Variants in CTXND2 observed in about 807,000 individuals in gnomAD.
The protein encoded by CTXND2 is cortexin domain containing 2.
intron 1 of CTXND2, among the ~76,000 whole-genome samples, chr1:150,890,653 G>GC (rs2102593321): frequency 6.6e-6 from 1 of 152,186 alleles, no homozygotes; most frequent in East Asian, 1.9e-4. Context: ...ACAGGCATGT[G>GC]CCACCACGCC....
intron 1 of CTXND2, among the ~76,000 whole-genome samples, chr1:150,900,860 G>T (rs1669008845): frequency 6.6e-6 from 1 of 152,174 alleles, no homozygotes; most frequent in Non-Finnish European, 1.5e-5. Context: ...GACTGGGCAT[G>T]GTGGCTCACG....
chr1:150,906,643 A>G (rs587764093), intron 1 of CTXND2, among the ~76,000 whole-genome samples: 11 of 152,304 alleles, frequency 7.2e-5, no homozygotes, highest in Admixed American at 6.5e-4. Context: ...CTGAAAGTGG[A>G]AGGCCCACTG....
chr1:150,888,676 G>A (rs1233415271), intron 1 of CTXND2, among the ~76,000 whole-genome samples: 1 of 151,560 alleles, frequency 6.6e-6, no homozygotes, highest in Non-Finnish European at 1.5e-5. Flanking sequence ...TTTCTAATAA[G>A]AATGTATTTT....
intron 1 of CTXND2, among the ~76,000 whole-genome samples, chr1:150,902,130 C>T (rs587771826): frequency 3.1e-4 from 47 of 151,242 alleles, no homozygotes; most frequent in African/African-American, 9.7e-4. Flanking sequence ...GGCTGGGCGC[C>T]GTGGCTCACG....
intron 1 of CTXND2, among the ~76,000 whole-genome samples, chr1:150,905,062 C>CCCCACACA (rs1553235746): frequency 1.5e-5 from 2 of 130,766 alleles, no homozygotes; most frequent in African/African-American, 5.8e-5. Context: ...AAAAAGAAAA[C>CCCCACACA]CACACACACA....
At chr1:150,891,296 C>G (rs1055153804) in intron 1 of CTXND2, among the ~76,000 whole-genome samples, 1 of 152,092 alleles carries the variant, frequency 6.6e-6, no homozygotes, top group Non-Finnish European at 1.5e-5. Context: ...TCACTACAAC[C>G]TCCGCCTCTT....
chr1:150,903,244 G>A (rs886858458), intron 1 of CTXND2, among the ~76,000 whole-genome samples: 4 of 151,836 alleles, frequency 2.6e-5, no homozygotes, highest in Admixed American at 2.6e-4. Context: ...AAGTGATGGG[G>A]CTTTTTCTTC....
intron 1 of CTXND2, among the ~76,000 whole-genome samples, chr1:150,889,783 C>T (rs1668824754): frequency 6.6e-6 from 1 of 151,968 alleles, no homozygotes; most frequent in Non-Finnish European, 1.5e-5. Flanking sequence ...CACTATGTGC[C>T]AGACACCGAT....
At chr1:150,888,067 C>T (rs1026190252) in intron 1 of CTXND2, among the ~76,000 whole-genome samples, 1 of 129,202 alleles carries the variant, frequency 7.7e-6, no homozygotes, top group Non-Finnish European at 1.7e-5. Flanking sequence ...TTAAAAGCCA[C>T]TTAAAAAAAA....
At chr1:150,892,340 A>G (rs1668861090) in intron 1 of CTXND2, among the ~76,000 whole-genome samples, 1 of 152,112 alleles carries the variant, frequency 6.6e-6, no homozygotes, top group Non-Finnish European at 1.5e-5. Flanking sequence ...GTGACCAACA[A>G]TACCCACTGT....
chr1:150,901,011 C>T (rs993250260), intron 1 of CTXND2, among the ~76,000 whole-genome samples: 1 of 152,054 alleles, frequency 6.6e-6, no homozygotes, highest in Non-Finnish European at 1.5e-5. Context: ...CCTTGGGAGG[C>T]TGAGGCAGGA....
At chr1:150,908,707 T>C (rs1175727462) in intron 1 of CTXND2, among the ~76,000 whole-genome samples, 2 of 151,662 alleles carry the variant, frequency 1.3e-5, no homozygotes, top group Non-Finnish European at 2.9e-5. Context: ...ACTATAACCC[T>C]GAACTCCTGG....
chr1:150,892,528 C>CTTCTT (rs1553234747), intron 1 of CTXND2, among the ~76,000 whole-genome samples: 1 of 123,350 alleles, frequency 8.1e-6, no homozygotes, highest in African/African-American at 3.0e-5. Context: ...TCTTCTTCTT[C>CTTCTT]TTTTTTTTTT....
In CTXND2 at chr1:150,890,415, A is replaced by G. The variant is rs78381021; in HGVS notation, c.-74+3102A>G. Among the ~76,000 whole-genome samples the G allele has an allele frequency of 1.1e-3, 167 of 152,348 alleles. 5 individuals carry two copies. The East Asian group carries it at 0.019, about 17-fold the overall frequency. The stretch of plus-strand genomic sequence containing the variant: ...GTCAGTGCCCAGCCCCTGTCACACA[A>G]GGAGCTCAAGCAGGGGCTTTACAGG... On this transcript the variant is annotated intron_variant, in intron 1 of 1. Transcript: ENST00000636087.
intron 1 of CTXND2, among the ~76,000 whole-genome samples, chr1:150,909,144 A>G (rs1245708248): frequency 6.6e-6 from 1 of 150,402 alleles, no homozygotes; most frequent in Non-Finnish European, 1.5e-5. Context: ...AGGGTGAGGC[A>G]GGAGAATCGC....
chr1:150,894,928 A>C (rs1341709711), intron 1 of CTXND2, among the ~76,000 whole-genome samples: 1 of 152,056 alleles, frequency 6.6e-6, no homozygotes, highest in African/African-American at 2.4e-5. Flanking sequence ...TCAGCTACTC[A>C]GGAGGCTGAC....
chr1:150,889,399 CAA>C (rs377253666), intron 1 of CTXND2, among the ~76,000 whole-genome samples: 25 of 76,166 alleles, frequency 3.3e-4, no homozygotes, highest in Admixed American at 4.7e-4. Context: ...GACTCTGTCT[CAA>C]AAAAAAAAAA....
chr1:150,895,041 AC>A (rs1484829552), intron 1 of CTXND2, among the ~76,000 whole-genome samples: 6 of 151,650 alleles, frequency 4.0e-5, no homozygotes, highest in Non-Finnish European at 8.8e-5. Context: ...CCTCAAAAAA[AC>A]ATATATATAT....
chr1:150,901,365 C>T (rs1357021428), intron 1 of CTXND2, among the ~76,000 whole-genome samples: 2 of 152,054 alleles, frequency 1.3e-5, no homozygotes, highest in African/African-American at 2.4e-5. Context: ...TATCAGAATC[C>T]CATCTGATTT....
Sources: allele counts gnomAD v4.1 joint callset (sites outside exome capture counted in the v4.1 genomes callset), GRCh38; gene constraint gnomAD v4.1.1; transcripts MANE v1.5; gene names NCBI Gene and HGNC (gene_info 2026-07-23, HGNC 2026-07-21).